TMEM87A: variants seen among roughly 807,000 people sequenced by gnomAD.
TMEM87A encodes the protein Golgi-pH regulating cation channel.
Under a neutral mutation model 90.0 loss-of-function variants are expected in TMEM87A, and 50 were observed. That is an observed-to-expected ratio of 0.56 (90% CI 0.44 to 0.70). TMEM87A has a LOEUF of 0.70. Ranked by LOEUF, TMEM87A falls within the 30% of genes least tolerant of loss-of-function variation. The pLI, the probability that TMEM87A is intolerant of heterozygous loss-of-function variation, is 0.00. For synonymous variants in TMEM87A, 226 were observed against 226.7 expected, an observed-to-expected ratio of 1.00 and a Z score of 0.03; for missense variants, 577 against 660.5, an observed-to-expected ratio of 0.87 and a Z score of 1.39.
At chr15:42,259,280 A>C (rs936881292) in intron 6 of TMEM87A, among the ~76,000 whole-genome samples, 3 of 152,028 alleles carry the variant, frequency 2.0e-5, no homozygotes, top group African/African-American at 7.2e-5. Flanking sequence ...GCACCACCAC[A>C]CCTGCCTAAT....
At chr15:42,231,872 G>A in intron 11 of TMEM87A, 1 of 1,278,730 alleles carries the variant, frequency 7.8e-7, no homozygotes, top group Non-Finnish European at 1.0e-6. Context: ...GTCAATTGCT[G>A]AGAGGGCCAG....
chr15:42,264,995 C>T (rs1190256354), intron 3 of TMEM87A, among the ~76,000 whole-genome samples: 2 of 152,088 alleles, frequency 1.3e-5, no homozygotes, highest in African/African-American at 4.8e-5. Flanking sequence ...GGTTAATGGC[C>T]TCCAGCTCCT....
At chr15:42,224,899 A>G (rs1038505458) in intron 15 of TMEM87A, among the ~76,000 whole-genome samples, 1 of 152,140 alleles carries the variant, frequency 6.6e-6, no homozygotes, top group African/African-American at 2.4e-5. Context: ...GAAAAGGGGG[A>G]AAAAAAGAAG....
Position 42,225,303 on chromosome 15 carries a change from G to A in TMEM87A, c.1403+1503C>T, listed in dbSNP as rs1013123430. On this transcript the variant is annotated intron_variant, in intron 15 of 19. Coordinates refer to ENST00000389834, the MANE Select transcript of TMEM87A (RefSeq NM_015497.5). ...CTCTTAACCGTCTAAATGCAAATGG[G>A]GGGGGGGGGAAGGCATAATCACAAA... 7.9e-4 allele frequency among the ~76,000 whole-genome samples: 120 copies of A among 151,688 alleles called. No homozygotes were observed. The East Asian group carries it at 8.9e-3, about 11-fold the overall frequency.
At chr15:42,217,997 A>G (rs1279615531) in intron 18 of TMEM87A, 164 bp from the exon 19 acceptor site, 2 of 684,818 alleles carry the variant, frequency 2.9e-6, no homozygotes, top group Non-Finnish European at 4.8e-6. Flanking sequence ...AATAAGCAAC[A>G]GTTACAGAAA....
At chr15:42,222,561 A>ATT (rs764911920) in intron 15 of TMEM87A, among the ~76,000 whole-genome samples, 2 of 143,032 alleles carry the variant, frequency 1.4e-5, no homozygotes, top group African/African-American at 5.1e-5. Flanking sequence ...CTTGATTGTG[A>ATT]TTTTTTTTTT....
intron 7 of TMEM87A, among the ~76,000 whole-genome samples, chr15:42,242,402 G>C (rs148922590): frequency 6.6e-6 from 1 of 152,160 alleles, no homozygotes. Context: ...TTCTCTTCCA[G>C]CCTTTTCAAA....
chr15:42,219,796 C>T (rs556409986), intron 16 of TMEM87A, among the ~76,000 whole-genome samples, 154 bp from the exon 17 acceptor site: 2 of 152,222 alleles, frequency 1.3e-5, no homozygotes, highest in East Asian at 1.9e-4. Context: ...GTGAAGTATA[C>T]AACAGATGCT....
intron 6 of TMEM87A, among the ~76,000 whole-genome samples, chr15:42,245,822 C>A (rs531658894): frequency 6.6e-6 from 1 of 152,122 alleles, no homozygotes; most frequent in Admixed American, 6.5e-5. Flanking sequence ...TGAGCTACCA[C>A]GCCCCGGCCC....
intron 2 of TMEM87A, among the ~76,000 whole-genome samples, chr15:42,271,049 G>A (rs2051513837): frequency 6.6e-6 from 1 of 152,154 alleles, no homozygotes; most frequent in South Asian, 2.1e-4. Context: ...CTATCATCAG[G>A]ATTTTTATCC....
At chr15:42,261,282 G>T in intron 4 of TMEM87A, 33 bp from the exon 5 acceptor site, 2 of 1,589,330 alleles carry the variant, frequency 1.3e-6, no homozygotes, top group Non-Finnish European at 1.7e-6. Flanking sequence ...AACATTAAAG[G>T]TGTGTAAATA....
At chr15:42,249,187 T>C (rs1018920991) in intron 6 of TMEM87A, among the ~76,000 whole-genome samples, 1 of 152,226 alleles carries the variant, frequency 6.6e-6, no homozygotes, top group Non-Finnish European at 1.5e-5. Context: ...TCTTCTTTAT[T>C]AGTCTTGCTA....
At position 42,264,125 on chromosome 15, in the gene TMEM87A, A is replaced by G. The variant is rs1202294356; in HGVS notation, c.370T>C (p.Leu124=). Residue 124 remains leucine (L), a synonymous_variant, in exon 4 of 20, where the codon TTG becomes CTG. Transcript: ENST00000389834. ...LSGKYQTSSK[L]FQNCSELFKT... is the part of the protein sequence containing the mutation. ...AAGAGTTCACTGCAGTTCTGGAACA[A>G]TTTTGATGATGTTTGATATTTCCCA... is the stretch of plus-strand genomic sequence containing the variant. 8.1e-6 allele frequency: 13 copies of G among 1,613,658 alleles called. No homozygotes were observed. Among genetic ancestry groups the G allele is most frequent in the African/African-American group, 1.3e-5 (1 of 74,918 alleles).
At chr15:42,259,127 G>C (rs374307184) in intron 6 of TMEM87A, 85 of 630,622 alleles carry the variant, frequency 1.3e-4, no homozygotes, top group East Asian at 1.3e-3. Context: ...TAGGCAAAGG[G>C]GGTAGGGGAA....
intron 4 of TMEM87A, among the ~76,000 whole-genome samples, chr15:42,263,877 A>G (rs973288768): frequency 6.6e-6 from 1 of 152,146 alleles, no homozygotes; most frequent in African/African-American, 2.4e-5. Context: ...TTACCACAAT[A>G]AAAAAATGGG....
intron 6 of TMEM87A, among the ~76,000 whole-genome samples, chr15:42,247,887 T>C (rs1032994560): frequency 1.3e-5 from 2 of 152,306 alleles, no homozygotes; most frequent in Non-Finnish European, 2.9e-5. Flanking sequence ...AGTATGGCCA[T>C]TTTCACAATA....
chr15:42,268,596 G>A (rs2051451638), intron 2 of TMEM87A, among the ~76,000 whole-genome samples: 1 of 152,160 alleles, frequency 6.6e-6, no homozygotes, highest in Non-Finnish European at 1.5e-5. Context: ...GAGCCCAGGA[G>A]GTCAAGTCTG....
At chr15:42,253,678 A>G (rs767386518) in intron 6 of TMEM87A, among the ~76,000 whole-genome samples, 3 of 152,212 alleles carry the variant, frequency 2.0e-5, no homozygotes, top group Non-Finnish European at 4.4e-5. Flanking sequence ...GGTATGGTAA[A>G]CAAATTACAA....
rs781093077 is a variant in TMEM87A, at chr15:42,220,157, G to A, written c.1404-22C>T. 3 of 1,570,862 alleles carry A rather than the reference G, an allele frequency of 1.9e-6. No individual in the cohort carries two copies. In the Admixed American group the frequency reaches 6.3e-5, roughly 33 times the overall value. Reference sequence around the variant, plus strand: ...AAACCTAACAGAACCAAAGTGAACAGAAGGAAAAAATTAGAAAACTTCAAA... The same window carrying A: ...AAACCTAACAGAACCAAAGTGAACAAAAGGAAAAAATTAGAAAACTTCAAA... On this transcript the variant is annotated intron_variant, in intron 15 of 19. Transcript: ENST00000389834.
Sources: allele counts gnomAD v4.1 joint callset (sites outside exome capture counted in the v4.1 genomes callset), GRCh38; gene constraint gnomAD v4.1.1; transcripts MANE v1.5; gene names NCBI Gene and HGNC (gene_info 2026-07-23, HGNC 2026-07-21).